Variants in AVEN observed in about 807,000 individuals in gnomAD.
AVEN encodes apoptosis and caspase activation inhibitor.
A neutral mutation model predicts 38.1 loss-of-function variants in AVEN; 41 were observed. The ratio of observed to expected loss-of-function variants is 1.08; its 90% CI spans 0.84 to 1.40. AVEN has a LOEUF of 1.40. Ranked by LOEUF, AVEN falls within the 40% of genes most tolerant of loss-of-function variation. AVEN has a pLI of 0.00. For synonymous variants in AVEN, 206 were observed against 171.8 expected (o/e 1.20, Z -1.56); for missense variants, 605 against 438.8 (o/e 1.38, Z -3.38).
chr15:33,969,719 C>T (rs4041435), intron 2 of AVEN, among the ~76,000 whole-genome samples: 15,786 of 151,892 alleles, frequency 0.1, 2,238 homozygotes, highest in African/African-American at 0.32. Context: ...CCTAAAGATA[C>T]TAGACATTTT....
chr15:34,064,579 G>A, intron 4 of AVEN: 1 of 479,610 alleles, frequency 2.1e-6, no homozygotes, highest in Admixed American at 3.9e-5. Flanking sequence ...ATAGGCTCAT[G>A]GCCCTTCACA....
chr15:33,854,183 G>T (rs2079396385), downstream of AVEN, among the ~76,000 whole-genome samples: 1 of 110,652 alleles, frequency 9.0e-6, no homozygotes, highest in Non-Finnish European at 1.9e-5. Flanking sequence ...GTGATAGAGT[G>T]AGACTCCGTT....
At chr15:34,056,142 T>C (rs1280370645) in intron 5 of AVEN, among the ~76,000 whole-genome samples, 1 of 152,214 alleles carries the variant, frequency 6.6e-6, no homozygotes, top group Non-Finnish European at 1.5e-5. Context: ...TAGTTAAGAA[T>C]AGAAGAAAGT....
intron 2 of AVEN, chr15:33,991,765 G>A (rs948464432): frequency 2.6e-5 from 4 of 152,068 alleles, no homozygotes; most frequent in Non-Finnish European, 5.9e-5. Flanking sequence ...AAGAAACAAG[G>A]AAGAGATGTG....
At chr15:33,853,789 C>G, downstream of AVEN, 1 of 1,429,828 alleles carries the variant, frequency 7.0e-7, no homozygotes, top group Non-Finnish European at 9.4e-7. Flanking sequence ...AGGCTGTGGT[C>G]TGGCTTAGGT....
At chr15:33,942,661 C>T (rs984292949) in intron 2 of AVEN, among the ~76,000 whole-genome samples, 5 of 152,120 alleles carry the variant, frequency 3.3e-5, no homozygotes, top group African/African-American at 1.2e-4. Flanking sequence ...CAGTGTTAGC[C>T]AGGATGGTCT....
chr15:33,908,081 T>A (rs993234410), intron 2 of AVEN, among the ~76,000 whole-genome samples: 1 of 152,348 alleles, frequency 6.6e-6, no homozygotes, highest in Non-Finnish European at 1.5e-5. Flanking sequence ...TATTAAAAAA[T>A]TTGTATTGTG....
intron 1 of AVEN, among the ~76,000 whole-genome samples, chr15:34,036,629 C>G (rs920347041): frequency 1.3e-5 from 2 of 152,248 alleles, no homozygotes; most frequent in African/African-American, 2.4e-5. Context: ...TTAGAGATGA[C>G]CAATCCAAAC....
chr15:33,988,909 AAC>A (rs1348225165), intron 2 of AVEN, among the ~76,000 whole-genome samples: 1 of 152,220 alleles, frequency 6.6e-6, no homozygotes, highest in Non-Finnish European at 1.5e-5. Flanking sequence ...TAACACTCAT[AAC>A]ACAAATGGCT....
At chr15:33,896,948 C>T (rs769093416) in intron 2 of AVEN, among the ~76,000 whole-genome samples, 2 of 152,112 alleles carry the variant, frequency 1.3e-5, no homozygotes, top group Non-Finnish European at 1.5e-5. Context: ...CAATAGCTAG[C>T]GTGCAATGAC....
chr15:34,057,303 A>T (rs1461877223), intron 5 of AVEN, among the ~76,000 whole-genome samples: 3 of 147,250 alleles, frequency 2.0e-5, no homozygotes. Context: ...CGCCCAGCTA[A>T]TTTTTTTTTT....
intron 2 of AVEN, among the ~76,000 whole-genome samples, chr15:33,994,435 T>A (rs908714963): frequency 6.6e-6 from 1 of 152,226 alleles, no homozygotes. Flanking sequence ...TCACTACATA[T>A]CACAATGTAA....
downstream of AVEN, among the ~76,000 whole-genome samples, chr15:33,854,042 A>T (rs2079380079): frequency 6.6e-6 from 1 of 152,010 alleles, no homozygotes; most frequent in African/African-American, 2.4e-5. Flanking sequence ...TAATATTTTT[A>T]AAAAGTAGCT....
chr15:34,070,376 C>CTT lies in AVEN; in HGVS notation n.784+210_784+211dup, dbSNP rs58766132. On this transcript the variant is annotated intron_variant and non_coding_transcript_variant, in intron 2 of 11. Transcript: ENST00000675287. ...TCTCTGGTTTATCCCTTCTTTGTTTCTTTTTTTTTTTTAAATCGAACTCTT... is the reference window on the plus strand; with the variant it reads ...TCTCTGGTTTATCCCTTCTTTGTTTCTTTTTTTTTTTTTTAAATCGAACTCTT... Among the ~76,000 whole-genome samples the CTT allele has an allele frequency of 9.1e-5, 13 of 142,966 alleles. No homozygotes were observed. In the South Asian group the frequency reaches 1.8e-3, roughly 20 times the overall value. The allele number at this position is 142,966 out of a possible 152,430, so 93.8% of individuals were successfully genotyped here.
At chr15:33,978,518 G>C (rs1248578921) in intron 2 of AVEN, among the ~76,000 whole-genome samples, 1 of 151,902 alleles carries the variant, frequency 6.6e-6, no homozygotes, top group Non-Finnish European at 1.5e-5. Context: ...ACAAAAATTA[G>C]CCGGCATGGT....
In AVEN at chr15:33,943,426, T is replaced by C. The variant is rs1047458499; in HGVS notation, c.445+59606A>G. On this transcript the variant is annotated intron_variant, in intron 2 of 5. Transcript: ENST00000306730. ...TAGTCAAATTCATAAAAATAGAAAG[T>C]ACAATGAAGGCTGTCAGGGGCTGGG... Among the ~76,000 whole-genome samples the C allele has an allele frequency of 2.0e-5, 3 of 150,128 alleles. No individual in the cohort carries two copies. In the South Asian group the frequency reaches 6.4e-4, roughly 32 times the overall value.
chr15:33,871,972 T>C (rs1259355620), intron 3 of AVEN, among the ~76,000 whole-genome samples: 1 of 152,234 alleles, frequency 6.6e-6, no homozygotes, highest in Non-Finnish European at 1.5e-5. Context: ...TGTTTTAAAG[T>C]ATTCGGTGCA....
intron 11 of AVEN, chr15:33,859,751 T>G: frequency 3.1e-6 from 5 of 1,595,640 alleles, no homozygotes; most frequent in Non-Finnish European, 4.3e-6. Context: ...CCAATTGTGT[T>G]GAGTATGAAC....
chr15:34,014,470 AAGAGCAACT>A, intron 1 of AVEN, among the ~76,000 whole-genome samples: 1 of 152,120 alleles, frequency 6.6e-6, no homozygotes, highest in Middle Eastern at 3.4e-3. Context: ...AAAAAATACA[AAGAGCAACT>A]AGGGTAACAA....
Sources: gnomAD v4.1 joint callset for allele counts (sites outside exome capture counted in the v4.1 genomes callset) on GRCh38, gnomAD v4.1.1 for gene constraint, MANE v1.5 for transcripts, NCBI Gene and HGNC (gene_info 2026-07-23, HGNC 2026-07-21) for gene names.